SV2C: variants seen among roughly 807,000 people sequenced by gnomAD.
SV2C encodes the protein solute carrier family 22 member B3.
A neutral mutation model predicts 79.7 loss-of-function variants in SV2C; 49 were observed. That is an observed-to-expected ratio of 0.61 (90% CI 0.49 to 0.78). The LOEUF is 0.78. Ranked by LOEUF, SV2C falls within the 30% of genes least tolerant of loss-of-function variation. SV2C has a pLI of 0.00. For missense variants in SV2C, 833 were observed against 912.9 expected (o/e 0.91, Z 1.13); for synonymous variants, 334 against 333.2 (o/e 1.00, Z -0.03).
At chr5:76,063,688 C>T in the SV2C span, among the ~76,000 whole-genome samples, 1,185 of 152,226 alleles carry the variant, frequency 7.8e-3, 14 homozygotes, top group African/African-American at 0.027. Context: ...GATTCCTTTT[C>T]CAATTGAATT....
At chr5:76,031,865 C>T in the SV2C span, among the ~76,000 whole-genome samples, 33 of 152,182 alleles carry the variant, frequency 2.2e-4, no homozygotes. Flanking sequence ...TGTCCAGGGA[C>T]TTTCCGAAAT....
chr5:75,916,398 TTCC>T, the SV2C span, among the ~76,000 whole-genome samples: 25 of 115,756 alleles, frequency 2.2e-4, no homozygotes, highest in South Asian at 3.5e-4. Flanking sequence ...CCCCTTCCCC[TTCC>T]TCCTCCTCCT....
chr5:75,984,598 C>CCTATCTATCTAT, the SV2C span, among the ~76,000 whole-genome samples: 131 of 82,462 alleles, frequency 1.6e-3, no homozygotes, highest in African/African-American at 4.2e-3. Context: ...TATCTATCTA[C>CCTATCTATCTAT]CTATCTATCT....
intron 4 of SV2C, among the ~76,000 whole-genome samples, chr5:76,260,482 A>G (rs1438225566): frequency 6.6e-6 from 1 of 152,110 alleles, no homozygotes. Flanking sequence ...TTTTGTTGCA[A>G]TTGCTTTTGG....
intron 2 of SV2C, 22 bp downstream of exon 2, chr5:76,132,352 G>A: frequency 2.5e-6 from 4 of 1,577,386 alleles, no homozygotes; most frequent in African/African-American, 2.7e-5. Context: ...GTGTCAGTGA[G>A]GCCAACTCTG....
At chr5:76,180,615 C>T (rs1159501006) in intron 2 of SV2C, among the ~76,000 whole-genome samples, 4 of 152,218 alleles carry the variant, frequency 2.6e-5, no homozygotes, top group African/African-American at 9.7e-5. Flanking sequence ...TACTTAGCTA[C>T]ATCCCTGGCC....
At chr5:76,272,112 G>A (rs1171281313) in intron 4 of SV2C, among the ~76,000 whole-genome samples, 2 of 152,120 alleles carry the variant, frequency 1.3e-5, no homozygotes, top group Non-Finnish European at 2.9e-5. Flanking sequence ...AATGGGGCTA[G>A]GAAAAAGAAA....
chr5:76,018,365 A>C, the SV2C span, among the ~76,000 whole-genome samples: 14 of 152,294 alleles, frequency 9.2e-5, no homozygotes, highest in East Asian at 2.1e-3. Flanking sequence ...TATAATCATA[A>C]TCACGGGCCT....
At chr5:76,022,201 T>G in the SV2C span, among the ~76,000 whole-genome samples, 7 of 152,186 alleles carry the variant, frequency 4.6e-5, no homozygotes, top group African/African-American at 1.7e-4. Context: ...GATTTGCTTT[T>G]CTCAGCATGC....
chr5:76,171,611 G>T (rs1433597157), intron 2 of SV2C, among the ~76,000 whole-genome samples: 2 of 144,878 alleles, frequency 1.4e-5, no homozygotes, highest in Non-Finnish European at 3.1e-5. Flanking sequence ...AGAGAGGTGG[G>T]GGGGGGGTCA....
chr5:76,197,033 G>A (rs1314106977), intron 3 of SV2C, among the ~76,000 whole-genome samples: 2 of 152,226 alleles, frequency 1.3e-5, no homozygotes, highest in Non-Finnish European at 2.9e-5. Context: ...ACTCCCGGGG[G>A]CTGGGAATCA....
chr5:76,146,725 C>G (rs1259324776), intron 2 of SV2C, among the ~76,000 whole-genome samples: 1 of 129,466 alleles, frequency 7.7e-6, no homozygotes, highest in Non-Finnish European at 1.6e-5. Flanking sequence ...TGCTCTGGTT[C>G]AAATGTCTCT....
At chr5:76,194,883 C>T (rs2112327436) in intron 2 of SV2C, 36 bp from the exon 3 acceptor site, 2 of 1,606,708 alleles carry the variant, frequency 1.2e-6, no homozygotes, top group South Asian at 1.1e-5. Flanking sequence ...TGACTCCCAA[C>T]CTCTGATGTG....
At chr5:76,194,240 C>G (rs1482076143) in intron 2 of SV2C, among the ~76,000 whole-genome samples, 1 of 152,154 alleles carries the variant, frequency 6.6e-6, no homozygotes, top group African/African-American at 2.4e-5. Flanking sequence ...ACAGGCCGCT[C>G]CTGATCTATA....
intron 8 of SV2C, among the ~76,000 whole-genome samples, chr5:76,294,698 A>T (rs944517920): frequency 6.6e-6 from 1 of 152,138 alleles, no homozygotes; most frequent in Admixed American, 6.5e-5. Flanking sequence ...AGTATATCTC[A>T]GTTTGAACCA....
rs2112187283 is a variant in SV2C, at chr5:76,132,003, G to A, written c.253G>A (p.Asp85Asn). ...TGAAGCCACTGAGGGGCATGATGAA[G>A]ATGATGAGATCTATGAGGGGGAGTA... is the stretch of plus-strand genomic sequence containing the variant. ...SSEATEGHDE[D>N]DEIYEGEYQG... The change falls in exon 2 of 13, where the codon GAT becomes AAT. Residue 85 changes from aspartate (D) to asparagine (N), a missense_variant. By Grantham distance (23) the Asp-to-Asn change is conservative. Transcript: ENST00000502798. 3 of 1,613,672 alleles carry A rather than the reference G, an allele frequency of 1.9e-6. No individual in the cohort carries two copies. The East Asian group carries it at 6.7e-5, about 36-fold the overall frequency.
chr5:75,946,999 G>C, the SV2C span, among the ~76,000 whole-genome samples: 3 of 152,110 alleles, frequency 2.0e-5, no homozygotes, highest in African/African-American at 4.8e-5. Context: ...GAGAGAGTCT[G>C]ATTGGCTGAG....
the SV2C span, among the ~76,000 whole-genome samples, chr5:76,043,952 G>A: frequency 8.5e-5 from 13 of 152,056 alleles, no homozygotes; most frequent in African/African-American, 2.9e-4. Flanking sequence ...GCATGTGAAG[G>A]TTTGTTATAT....
At chr5:76,318,087 G>C (rs1748697070) in intron 12 of SV2C, among the ~76,000 whole-genome samples, 1 of 152,116 alleles carries the variant, frequency 6.6e-6, no homozygotes, top group South Asian at 2.1e-4. Context: ...ATTTTATCCA[G>C]AATGGAGCCA....
Sources: allele counts gnomAD v4.1 joint callset (sites outside exome capture counted in the v4.1 genomes callset), GRCh38; gene constraint gnomAD v4.1.1; transcripts MANE v1.5; gene names NCBI Gene and HGNC (gene_info 2026-07-23, HGNC 2026-07-21).